The following SOX5 variants were observed in gnomAD, a reference collection of about 807,000 sequenced individuals.
SOX5 encodes SRY-box transcription factor 5, also known as transcription factor SOX-5.
Under a neutral mutation model 92.0 loss-of-function variants are expected in SOX5, and 9 were observed. The observed-to-expected ratio is 0.10, with a 90% CI of 0.06 to 0.17. The LOEUF is 0.17. Among genes scored for constraint, SOX5 ranks in the 10% least tolerant of loss-of-function variants. The pLI is 1.00. For missense variants in SOX5, 642 were observed against 944.5 expected, an observed-to-expected ratio of 0.68 and a Z score of 4.20; for synonymous variants, 344 against 336.3, an observed-to-expected ratio of 1.02 and a Z score of -0.25.
intron 4 of SOX5, among the ~76,000 whole-genome samples, chr12:23,979,876 CCTGGCTGGCTGGCTGGCTGG>C (rs71059955): frequency 3.3e-4 from 44 of 132,974 alleles, no homozygotes; most frequent in African/African-American, 1.3e-3. Context: ...TGCTACCATG[CCTGGCTGGCTGGCTGGCTGG>C]CTGGCTGGCT....
intron 1 of SOX5, among the ~76,000 whole-genome samples, chr12:24,495,872 T>C (rs112750297): frequency 6.6e-6 from 1 of 152,304 alleles, no homozygotes; most frequent in East Asian, 1.9e-4. Context: ...GAGAGTCCTT[T>C]CCTAGCAGAG....
intron 4 of SOX5, among the ~76,000 whole-genome samples, chr12:23,976,086 G>T (rs1948859276): frequency 6.6e-6 from 1 of 151,930 alleles, no homozygotes; most frequent in South Asian, 2.1e-4. Context: ...ACTCTCTTGA[G>T]ACAGCCATTT....
In SOX5 at chr12:23,538,963, G is replaced by A. The variant is rs1353923253; in HGVS notation, c.1772-2294C>T. On this transcript the variant is annotated intron_variant, in intron 13 of 14. Coordinates refer to ENST00000451604, the MANE Select transcript of SOX5 (RefSeq NM_006940.6). The stretch of plus-strand genomic sequence containing the variant: ...CTACAGGCGCCCGCCACCACGCCCG[G>A]CTAGCTTTTTTTTTTGTATTTTTAG... Among the ~76,000 whole-genome samples, 3 of 151,638 alleles carry A rather than the reference G, an allele frequency of 2.0e-5. No homozygotes were observed. In the East Asian group the frequency reaches 5.8e-4, roughly 30 times the overall value.
chr12:24,360,024 G>A (rs924865499), intron 2 of SOX5, among the ~76,000 whole-genome samples: 2 of 152,292 alleles, frequency 1.3e-5, no homozygotes, highest in African/African-American at 4.8e-5. Context: ...TGGCAGGGAC[G>A]GAGGGAAGGG....
At chr12:23,977,122 A>T (rs1282347246) in intron 4 of SOX5, among the ~76,000 whole-genome samples, 2 of 152,196 alleles carry the variant, frequency 1.3e-5, no homozygotes, top group Non-Finnish European at 2.9e-5. Context: ...CAATAATAAG[A>T]CTGCATTAAG....
chr12:23,860,223 T>C (rs556506725), intron 2 of SOX5, among the ~76,000 whole-genome samples: 163 of 151,714 alleles, frequency 1.1e-3, no homozygotes, highest in South Asian at 6.2e-4. Flanking sequence ...GGTGATGCAA[T>C]AATATGTACA....
At chr12:24,373,043 G>C (rs552196803) in intron 1 of SOX5, among the ~76,000 whole-genome samples, 30 of 151,614 alleles carry the variant, frequency 2.0e-4, no homozygotes, top group South Asian at 6.3e-4. Flanking sequence ...ATGTAAGCCT[G>C]GGAAGTGGAG....
intron 3 of SOX5, among the ~76,000 whole-genome samples, chr12:24,273,548 G>A (rs1222267170): frequency 1.3e-5 from 2 of 152,066 alleles, no homozygotes; most frequent in African/African-American, 4.8e-5. Context: ...TTTCAATACT[G>A]ATATTGGTAA....
intron 2 of SOX5, among the ~76,000 whole-genome samples, chr12:23,892,249 A>C (rs917074233): frequency 7.2e-5 from 11 of 152,310 alleles, no homozygotes; most frequent in African/African-American, 2.4e-4. Context: ...ACTGAGTCTT[A>C]TGGGAGAAAT....
intron 3 of SOX5, among the ~76,000 whole-genome samples, chr12:23,823,523 C>A (rs2096167934): frequency 6.6e-6 from 1 of 152,154 alleles, no homozygotes; most frequent in Non-Finnish European, 1.5e-5. Context: ...GGTAACCCTA[C>A]TTTTCTCTCT....
intron 1 of SOX5, among the ~76,000 whole-genome samples, chr12:24,382,721 G>T: frequency 6.6e-6 from 1 of 152,166 alleles, no homozygotes; most frequent in East Asian, 1.9e-4. Flanking sequence ...AATAGCGGAG[G>T]TGGTGAGAGG....
intron 3 of SOX5, among the ~76,000 whole-genome samples, chr12:23,764,552 T>G (rs529840502): frequency 6.6e-6 from 1 of 152,060 alleles, no homozygotes; most frequent in Non-Finnish European, 1.5e-5. Context: ...TACTGATATA[T>G]TTAAGAAAAA....
chr12:24,476,995 C>CACAA, intron 1 of SOX5, among the ~76,000 whole-genome samples: 1 of 53,642 alleles, frequency 1.9e-5, no homozygotes, highest in East Asian at 5.9e-4. Flanking sequence ...AGACCCCTCT[C>CACAA]AAAAAAAAAA....
intron 2 of SOX5, among the ~76,000 whole-genome samples, chr12:23,890,063 T>C (rs61909999): frequency 0.35 from 52,503 of 152,076 alleles, 9,885 homozygotes; most frequent in Non-Finnish European, 0.44. Context: ...CTCACGCCTG[T>C]AAACCCAGCA....
intron 4 of SOX5, among the ~76,000 whole-genome samples, chr12:24,140,496 C>G (rs1950492055): frequency 6.6e-6 from 1 of 152,122 alleles, no homozygotes; most frequent in African/African-American, 2.4e-5. Context: ...GCTTATTTCT[C>G]TGATCTCTCT....
intron 4 of SOX5, among the ~76,000 whole-genome samples, chr12:24,183,577 T>G (rs1364867758): frequency 6.6e-6 from 1 of 152,166 alleles, no homozygotes; most frequent in East Asian, 1.9e-4. Context: ...ATATGGTATA[T>G]TAATTATTTT....
At chr12:24,218,048 G>C (rs1294206721) in intron 3 of SOX5, among the ~76,000 whole-genome samples, 1 of 152,198 alleles carries the variant, frequency 6.6e-6, no homozygotes, top group Non-Finnish European at 1.5e-5. Context: ...TGCTGCAGCT[G>C]CTATGGAAAG....
At chr12:23,699,347 C>A (rs2090310883) in intron 6 of SOX5, among the ~76,000 whole-genome samples, 1 of 152,104 alleles carries the variant, frequency 6.6e-6, no homozygotes. Context: ...TTTTCTCTGG[C>A]TTTCTAGTTG....
intron 4 of SOX5, among the ~76,000 whole-genome samples, chr12:24,082,782 T>C (rs942386646): frequency 1.3e-5 from 2 of 152,052 alleles, no homozygotes; most frequent in African/African-American, 4.8e-5. Context: ...ATTCAGGTCA[T>C]AGTTATCTTT....
Sources: gnomAD v4.1 joint callset for allele counts (sites outside exome capture counted in the v4.1 genomes callset) on GRCh38, gnomAD v4.1.1 for gene constraint, MANE v1.5 for transcripts, NCBI Gene and HGNC (gene_info 2026-07-23, HGNC 2026-07-21) for gene names.